The following FAM110C variants were observed in gnomAD, a reference collection of about 807,000 sequenced individuals.
The protein encoded by FAM110C is protein FAM110C.
FAM110C carries 19 observed loss-of-function variants against 15.7 expected under a neutral mutation model. That is an observed-to-expected ratio of 1.21 (90% confidence interval 0.85 to 1.78). FAM110C has a LOEUF of 1.78. Among genes scored for constraint, FAM110C ranks in the 40% most tolerant of loss-of-function variants. The pLI is 0.00. For missense variants in FAM110C, 547 were observed against 495.7 expected (o/e 1.10, Z -0.98); for synonymous variants, 275 against 233.9 (o/e 1.18, Z -1.61).
Position 46,349 on chromosome 2 carries a change from C to A in FAM110C, c.37G>T (p.Glu13Ter). The A allele has an allele frequency of 7.6e-7, 1 of 1,307,674 alleles. No individual in the cohort carries two copies. Among genetic ancestry groups the A allele is most frequent in the Non-Finnish European group, 9.7e-7 (1 of 1,032,210 alleles). 81.0% of individuals were successfully genotyped at this position (1,307,674 alleles called of 1,614,324 possible). A position where few individuals can be genotyped will look rare whatever the true frequency, so the allele number is the denominator to read the frequency against. The change falls in exon 1 of 2, where the codon GAG becomes TAG. Residue 13 changes from glutamate to a stop codon, truncating the protein, a stop_gained. Coordinates refer to ENST00000327669, the MANE Select transcript of FAM110C (RefSeq NM_001077710.3). LOFTEE classifies it high-confidence loss of function. The part of the protein sequence containing the change: ...ALAALSAPPN[E>*]RLLPRDPAAT... ...GCGGGGTCCCGGGGAAGGAGCCGCT[C>A]GTTCGGGGGCGCGCTCAGGGCCGCC...
At chr2:44,405 C>T in intron 1 of FAM110C, 1 of 985,412 alleles carries the variant, frequency 1.0e-6, no homozygotes, top group Non-Finnish European at 1.2e-6. Context: ...ATCTCTTGGG[C>T]AGCCTCCCCC....
At position 46,179 on chromosome 2, in the gene FAM110C, C is replaced by G. The variant is rs1279834849; in HGVS notation, c.207G>C (p.Lys69Asn). 3.6e-6 allele frequency: 5 copies of G among 1,388,454 alleles called. No individual in the cohort carries two copies. The highest frequency in any genetic ancestry group is 3.5e-5 in the Admixed American group (1 of 28,274). 86.0% of individuals were successfully genotyped at this position (1,388,454 alleles called of 1,614,324 possible). A position where few individuals can be genotyped will look rare whatever the true frequency, so the allele number is the denominator to read the frequency against. Reference sequence around the variant, plus strand: ...GGGGCCCAGGGTCGTTCCCCGGGCACTTGATCGCCCCCGGGCCGCTGCCCT... The same window carrying G: ...GGGGCCCAGGGTCGTTCCCCGGGCAGTTGATCGCCCCCGGGCCGCTGCCCT... ...ASEGSGPGAI[K>N]CPGNDPGPPA... The change falls in exon 1 of 2, where the codon AAG becomes AAC. Residue 69 changes from lysine to asparagine, a missense_variant. Transcript: ENST00000327669.
chr2:42,170 A>G, intron 1 of FAM110C: 1 of 985,442 alleles, frequency 1.0e-6, no homozygotes, highest in Non-Finnish European at 1.2e-6. Context: ...AGAAGAAAGG[A>G]AAAGAAAGCT....
rs536007489 is a variant in FAM110C at position 46,230 on chromosome 2, C to T, written c.156G>A (p.Pro52=). The T allele has an allele frequency of 2.9e-6, 4 of 1,398,634 alleles. No individual in the cohort carries two copies. In the African/African-American group the frequency reaches 6.0e-5, roughly 21 times the overall value. 86.6% of individuals were successfully genotyped at this position (1,398,634 alleles called of 1,614,324 possible). A position where few individuals can be genotyped will look rare whatever the true frequency, so the allele number is the denominator to read the frequency against. ...ADRAKYVRGR[P]GTGRGVASEG... ...CGGAAGCGACGCCCCGGCCAGTCCC[C>T]GGCCGACCCCGCACATACTTGGCGC... The change falls in exon 1 of 2, where the codon CCG becomes CCA. Residue 52 remains proline (P), a synonymous_variant. Coordinates refer to ENST00000327669, the MANE Select transcript of FAM110C (RefSeq NM_001077710.3).
At position 46,124 on chromosome 2, in the gene FAM110C, T is replaced by A. The variant is rs1664294399; in HGVS notation, c.262A>T (p.Arg88Trp). The A allele has an allele frequency of 6.9e-7, 1 of 1,457,806 alleles. No individual in the cohort carries two copies. The allele number at this position is 1,457,806 out of a possible 1,614,324, so 90.3% of individuals were successfully genotyped here. A position where few individuals can be genotyped will look rare whatever the true frequency, so the allele number is the denominator to read the frequency against. ...CTCAACGGCTTCCGCGCAATAGCCC[T>A]GCGCGCCACCGGGGCCGGGGCGCGG... ...PARAPAPVAR[R>W]AIARKPLRPD... The change falls in exon 1 of 2, where the codon AGG (arginine) becomes TGG (tryptophan). Residue 88 changes from arginine to tryptophan, a missense_variant. Transcript: ENST00000327669.
intron 1 of FAM110C, chr2:43,704 T>C: frequency 1.0e-6 from 1 of 985,462 alleles, no homozygotes; most frequent in Non-Finnish European, 1.2e-6. Context: ...TTTGGTTTCA[T>C]TTGTATGCCA....
At position 46,489 on chromosome 2, in the gene FAM110C, G is replaced by C; in HGVS notation, c.-104C>G. 1.1e-5 allele frequency: 10 copies of C among 912,266 alleles called. No individual in the cohort carries two copies. Among genetic ancestry groups the C allele is most frequent in the African/African-American group, 1.7e-5 (1 of 57,858 alleles). The allele number at this position is 912,266 out of a possible 1,614,324, so 56.5% of individuals were successfully genotyped here. On this transcript the variant is annotated 5_prime_UTR_variant, in exon 1 of 2. Transcript: ENST00000327669. ...CCGGTTCCGAAGTCCGCGCCGGGTG[G>C]GGAACGGCGCCCCAGTGCCCAGCTG...
chr2:44,688 G>C (rs1230902766), intron 1 of FAM110C: 42 of 985,254 alleles, frequency 4.3e-5, no homozygotes, highest in Non-Finnish European at 4.9e-5. Flanking sequence ...AAGAGCTCGA[G>C]GTCAATCCGG....
At position 39,205 on chromosome 2, in the gene FAM110C, G is replaced by C. The variant is rs998587671; in HGVS notation, c.*2403C>G. On this transcript the variant is annotated 3_prime_UTR_variant, in exon 2 of 2. Transcript: ENST00000327669. Reference sequence around the variant, plus strand: ...ACTAAACAGTCTGATTTTTCTCAAAGTCACTCAGCAAATTGCGGTAATTCA... The same window carrying C: ...ACTAAACAGTCTGATTTTTCTCAAACTCACTCAGCAAATTGCGGTAATTCA... 1 of 152,196 alleles carries C rather than the reference G, an allele frequency of 6.6e-6. No homozygotes were observed. The highest frequency in any genetic ancestry group is 2.4e-5 in the African/African-American group (1 of 41,446). The allele number at this position is 152,196 out of a possible 1,614,324, so 9.4% of individuals were successfully genotyped here. A position where few individuals can be genotyped will look rare whatever the true frequency, so the allele number is the denominator to read the frequency against.
At position 41,453 on chromosome 2, in the gene FAM110C, T is replaced by C. The variant is rs1490457312; in HGVS notation, c.*155A>G. The C allele has an allele frequency of 1.4e-6, 1 of 739,870 alleles. No individual in the cohort carries two copies. The highest frequency in any genetic ancestry group is 1.8e-5 in the African/African-American group (1 of 55,314). 45.8% of individuals were successfully genotyped at this position (739,870 alleles called of 1,614,324 possible). A position where few individuals can be genotyped will look rare whatever the true frequency, so the allele number is the denominator to read the frequency against. ...CTAAATTTCAAGGTCTGTGTTCCCA[T>C]ATTCTCTGTAGTATTTTAAACCTTC... On this transcript the variant is annotated 3_prime_UTR_variant, in exon 2 of 2. Transcript: ENST00000327669.
rs994284049 is a variant in FAM110C at position 42,882 on chromosome 2, G to A, written c.947-1255C>T. 2.2e-5 allele frequency: 22 copies of A among 985,312 alleles called. No individual in the cohort carries two copies. The African/African-American group carries it at 3.8e-4, about 17-fold the overall frequency. The allele number at this position is 985,312 out of a possible 1,614,324, so 61.0% of individuals were successfully genotyped here. On this transcript the variant is annotated intron_variant, in intron 1 of 1. Coordinates refer to ENST00000327669, the MANE Select transcript of FAM110C (RefSeq NM_001077710.3). ...ATCCTTATAAATTTCAGCAGAAAAA[G>A]CACAGCTTAAATTCCTGCTTCCACA...
chr2:41,850 C>A (rs530845814), intron 1 of FAM110C: 1 of 985,278 alleles, frequency 1.0e-6, no homozygotes, highest in Non-Finnish European at 1.2e-6. Flanking sequence ...TTCCATCTCC[C>A]TGCAGGCCTT....
chr2:45,598 T>A lies in FAM110C; in HGVS notation c.788A>T (p.His263Leu). 4 of 1,612,422 alleles carry A rather than the reference T, an allele frequency of 2.5e-6. No individual in the cohort carries two copies. Among genetic ancestry groups the A allele is most frequent in the Non-Finnish European group, 3.4e-6 (4 of 1,179,826 alleles). Residue 263 changes from histidine to leucine, a missense_variant, in exon 1 of 2, where the codon CAC (histidine) becomes CTC (leucine). Transcript: ENST00000327669. Reference protein sequence around the residue: ...VATSGSGFSRHSGGDDEGLQE... With the variant: ...VATSGSGFSRLSGGDDEGLQE... ...CAGCCCCTCGTCGTCGCCGCCGCTGTGCCGGGAGAAGCCGCTGCCGGAGGT... is the reference window on the plus strand; with the variant it reads ...CAGCCCCTCGTCGTCGCCGCCGCTGAGCCGGGAGAAGCCGCTGCCGGAGGT...
chr2:44,369 C>A (rs1664218436), intron 1 of FAM110C: 1 of 985,234 alleles, frequency 1.0e-6, no homozygotes, highest in Admixed American at 6.1e-5. Context: ...TTTTAGCTGT[C>A]AAACATAGGT....
rs763190553 is a variant in FAM110C at position 45,827 on chromosome 2, G to T, written c.559C>A (p.Pro187Thr). Reference protein sequence around the residue: ...PSSVPAAPPGPEPRVVRRRGL... With the variant: ...PSSVPAAPPGTEPRVVRRRGL... ...CGACGCCTCACCACCCGCGGCTCTG[G>T]CCCAGGGGGCGCGGCCGGGACACTG... The change falls in exon 1 of 2, where the codon CCA becomes ACA. Residue 187 changes from proline to threonine, a missense_variant. Transcript: ENST00000327669. The T allele has an allele frequency of 1.9e-6, 3 of 1,541,922 alleles. No individual in the cohort carries two copies. Among genetic ancestry groups the T allele is most frequent in the Non-Finnish European group, 2.6e-6 (3 of 1,148,082 alleles).
chr2:41,744 G>T, intron 1 of FAM110C, 117 bp from the exon 2 acceptor site: 1 of 1,395,318 alleles, frequency 7.2e-7, no homozygotes, highest in Non-Finnish European at 9.4e-7. Context: ...GACATTCTCT[G>T]CATTTTGAAA....
Position 45,604 on chromosome 2 carries a change from G to T in FAM110C, c.782C>A (p.Ser261Tyr). The change falls in exon 1 of 2, where the codon TCC (serine) becomes TAC (tyrosine). Residue 261 changes from serine to tyrosine, a missense_variant. By Grantham distance (144) the Ser-to-Tyr change is moderately radical. Transcript: ENST00000327669. ...VSVATSGSGF[S>Y]RHSGGDDEGL... is the part of the protein sequence containing the mutation. The stretch of plus-strand genomic sequence containing the variant: ...CTCGTCGTCGCCGCCGCTGTGCCGG[G>T]AGAAGCCGCTGCCGGAGGTGGCGAC... The T allele has an allele frequency of 6.2e-7, 1 of 1,612,468 alleles. No individual in the cohort carries two copies. The highest frequency in any genetic ancestry group is 8.5e-7 in the Non-Finnish European group (1 of 1,179,810).
rs1013423088 is a variant in FAM110C at position 44,152 on chromosome 2, C to T, written c.946+1288G>A. ...TCCAAAAGACAATTTGTGAAAACTA[C>T]AAATTAATGTTTGTTTGCTTTTTAG... On this transcript the variant is annotated intron_variant, in intron 1 of 1. Coordinates refer to ENST00000327669, the MANE Select transcript of FAM110C (RefSeq NM_001077710.3). 1.0e-5 allele frequency: 10 copies of T among 985,290 alleles called. No individual in the cohort carries two copies. In the African/African-American group the frequency reaches 1.6e-4, roughly 15 times the overall value. 61.0% of individuals were successfully genotyped at this position (985,290 alleles called of 1,614,324 possible). A position where few individuals can be genotyped will look rare whatever the true frequency, so the allele number is the denominator to read the frequency against.
chr2:38,880 A>G lies in FAM110C; in HGVS notation c.*2728T>C, dbSNP rs756291484. On this transcript the variant is annotated 3_prime_UTR_variant, in exon 2 of 2. Coordinates refer to ENST00000327669, the MANE Select transcript of FAM110C (RefSeq NM_001077710.3). ...ATACAATATTGCACTCCAGTTGCAAATAGTGTATAGAAAAAGCTCTGTTTA... is the reference window on the plus strand; with the variant it reads ...ATACAATATTGCACTCCAGTTGCAAGTAGTGTATAGAAAAAGCTCTGTTTA... The G allele has an allele frequency of 3.9e-5, 6 of 152,348 alleles. No individual in the cohort carries two copies. The highest frequency in any genetic ancestry group is 8.8e-5 in the Non-Finnish European group (6 of 68,030). The allele number at this position is 152,348 out of a possible 1,614,324, so 9.4% of individuals were successfully genotyped here. A position where few individuals can be genotyped will look rare whatever the true frequency, so the allele number is the denominator to read the frequency against.
Sources: gnomAD v4.1 joint callset for allele counts on GRCh38, gnomAD v4.1.1 for gene constraint, MANE v1.5 for transcripts, NCBI Gene and HGNC (gene_info 2026-07-23, HGNC 2026-07-21) for gene names.